PPP2R2D: variants seen among roughly 807,000 people sequenced by gnomAD.
PPP2R2D encodes the protein protein phosphatase 2 regulatory subunit Bdelta, also known as serine/threonine-protein phosphatase 2A 55 kDa regulatory subunit B delta isoform.
In PPP2R2D, 9 loss-of-function variants were observed where a neutral mutation model predicts 31.1. The ratio of observed to expected loss-of-function variants is 0.29; its 90% CI spans 0.17 to 0.51. The LOEUF is 0.51. Ranked by LOEUF, PPP2R2D falls within the 20% of genes least tolerant of loss-of-function variation. The pLI is 0.98. For synonymous variants in PPP2R2D, 179 were observed against 172.6 expected, an observed-to-expected ratio of 1.04 and a Z score of -0.29; for missense variants, 391 against 465.6, an observed-to-expected ratio of 0.84 and a Z score of 1.48.
At chr10:131,964,020 C>T (rs1238141744), downstream of PPP2R2D, among the ~76,000 whole-genome samples, 1 of 152,164 alleles carries the variant, frequency 6.6e-6, no homozygotes, top group East Asian at 1.9e-4. Context: ...CTTTCAGGAC[C>T]CGAGCACTTG....
At position 131,947,276 on chromosome 10, in the gene PPP2R2D, G is replaced by A. The variant is rs2036560220; in HGVS notation, c.821-254G>A. ...AGAGATTCTCATTCAGGGTCCGGGTGAGACTTGGGCGTCTACGCTTCTCAT... is the reference window on the plus strand; with the variant it reads ...AGAGATTCTCATTCAGGGTCCGGGTAAGACTTGGGCGTCTACGCTTCTCAT... On this transcript the variant is annotated intron_variant, in intron 7 of 8. Coordinates refer to ENST00000455566, the MANE Select transcript of PPP2R2D (RefSeq NM_018461.5). This position sits in a 1 kb window ranked among gnomAD's most constrained non-coding sequence, Gnocchi z 4.3. Among the ~76,000 whole-genome samples, 1 of 152,220 alleles carries A rather than the reference G, an allele frequency of 6.6e-6. No homozygotes were observed. Among genetic ancestry groups the A allele is most frequent in the Non-Finnish European group, 1.5e-5 (1 of 68,042 alleles).
At chr10:131,915,714 C>T (rs1288399320) in intron 2 of PPP2R2D, among the ~76,000 whole-genome samples, 1 of 152,232 alleles carries the variant, frequency 6.6e-6, no homozygotes, top group East Asian at 1.9e-4. Context: ...CTCCCTGCAA[C>T]TTTGTCAGAC....
In PPP2R2D at chr10:131,901,289, T is replaced by G. The variant is rs1245082841; in HGVS notation, c.59T>G (p.Phe20Cys). ...PAGGNDFQWC[F>C]SQVKGAIDED... The stretch of plus-strand genomic sequence containing the variant: ...GGCGGCAACGACTTCCAGTGGTGCT[T>G]CTCGCAGGTCAAGGGGGCCATCGAC... The change falls in exon 2 of 9, where the codon TTC becomes TGC. Residue 20 changes from phenylalanine (F) to cysteine (C), a missense_variant. This residue lies in a region of PPP2R2D where 105 missense variants were observed against 98.5 expected (regional missense o/e 1.07). Transcript: ENST00000455566. 2.8e-6 allele frequency: 1 copy of G among 359,088 alleles called. No individual in the cohort carries two copies. The highest frequency in any genetic ancestry group is 4.7e-5 in the Admixed American group (1 of 21,244). 22.2% of individuals were successfully genotyped at this position (359,088 alleles called of 1,614,324 possible).
the PPP2R2D span, chr10:131,967,374 C>T: frequency 6.6e-6 from 1 of 152,232 alleles, no homozygotes; most frequent in Non-Finnish European, 1.5e-5. Flanking sequence ...CCTTGACCAT[C>T]GTGCTTCGAT....
At chr10:131,901,411 C>T (rs1161555465) in intron 2 of PPP2R2D, 81 bp downstream of exon 2, 4 of 339,794 alleles carry the variant, frequency 1.2e-5, no homozygotes, top group African/African-American at 2.2e-5. Context: ...GGGCCCCAAG[C>T]GTCCGTGGAA....
intron 2 of PPP2R2D, among the ~76,000 whole-genome samples, chr10:131,914,347 G>A (rs1554892790): frequency 6.6e-6 from 1 of 152,178 alleles, no homozygotes; most frequent in Non-Finnish European, 1.5e-5. Context: ...GAACAGAGTG[G>A]ACCCTGTCTC....
chr10:131,916,025 C>T (rs782071832), intron 2 of PPP2R2D, among the ~76,000 whole-genome samples: 19 of 152,174 alleles, frequency 1.2e-4, no homozygotes, highest in Non-Finnish European at 2.6e-4. Context: ...CAGCATACGG[C>T]TTTCTGTGTA....
At chr10:131,943,689 G>A (rs1203210972) in intron 5 of PPP2R2D, among the ~76,000 whole-genome samples, 4 of 152,194 alleles carry the variant, frequency 2.6e-5, no homozygotes, top group Admixed American at 6.5e-5. Context: ...CGCAGGCCTC[G>A]GTGCCTGGGC....
At chr10:131,965,973 G>A in the PPP2R2D span, among the ~76,000 whole-genome samples, 1 of 152,212 alleles carries the variant, frequency 6.6e-6, no homozygotes, top group African/African-American at 2.4e-5. Flanking sequence ...CACCTCGGTT[G>A]CTTCATATAT....
At chr10:131,903,878 C>T (rs1383670868) in intron 2 of PPP2R2D, among the ~76,000 whole-genome samples, 6 of 152,164 alleles carry the variant, frequency 3.9e-5, no homozygotes, top group Non-Finnish European at 8.8e-5. Context: ...CATGCCCAAA[C>T]GCAACCTTGA....
Position 131,956,073 on chromosome 10 carries a change from ACTTCC to A in PPP2R2D, c.*115_*119del, listed in dbSNP as rs782274559. 30 of 1,277,938 alleles carry A rather than the reference ACTTCC, an allele frequency of 2.3e-5. No individual in the cohort carries two copies. Among genetic ancestry groups the A allele is most frequent in the Non-Finnish European group, 2.8e-5 (28 of 1,011,990 alleles). 79.2% of individuals were successfully genotyped at this position (1,277,938 alleles called of 1,614,324 possible). A position where few individuals can be genotyped will look rare whatever the true frequency, so the allele number is the denominator to read the frequency against. ...CATTAAGAACAGTGACGCACCTGCTACTTCCCTTCACAGACACAGGAGAAAGCCGC... is the reference window on the plus strand; with the variant it reads ...CATTAAGAACAGTGACGCACCTGCTACTTCACAGACACAGGAGAAAGCCGC... On this transcript the variant is annotated 3_prime_UTR_variant, in exon 9 of 9. Coordinates refer to ENST00000455566, the MANE Select transcript of PPP2R2D (RefSeq NM_018461.5).
chr10:131,956,695 C>G lies in PPP2R2D; in HGVS notation c.*732C>G, dbSNP rs2036806115. On this transcript the variant is annotated 3_prime_UTR_variant, in exon 9 of 9. Transcript: ENST00000455566. ...CAGCATTTCTGTCCCCAAGCTGCTG[C>G]CCGCTGTGTTTCTGTAGAAGTAGCC... The G allele has an allele frequency of 2.2e-6, 1 of 463,544 alleles. No homozygotes were observed. The highest frequency in any genetic ancestry group is 6.4e-5 in the Admixed American group (1 of 15,632). The allele number at this position is 463,544 out of a possible 1,614,324, so 28.7% of individuals were successfully genotyped here. A position where few individuals can be genotyped will look rare whatever the true frequency, so the allele number is the denominator to read the frequency against.
intron 2 of PPP2R2D, among the ~76,000 whole-genome samples, chr10:131,906,264 A>G (rs2035581783): frequency 6.6e-6 from 1 of 152,198 alleles, no homozygotes. Flanking sequence ...ACCTGGTTTT[A>G]TATAGCTTTA....
chr10:131,964,021 C>T (rs1186920987), downstream of PPP2R2D, among the ~76,000 whole-genome samples: 2 of 152,176 alleles, frequency 1.3e-5, no homozygotes, highest in African/African-American at 2.4e-5. Flanking sequence ...TTTCAGGACC[C>T]GAGCACTTGG....
At chr10:131,962,318 A>G (rs1443071939), downstream of PPP2R2D, among the ~76,000 whole-genome samples, 1 of 152,104 alleles carries the variant, frequency 6.6e-6, no homozygotes, top group African/African-American at 2.4e-5. Context: ...CAGTCCTAAG[A>G]AAGCTCTCCA....
the PPP2R2D span, chr10:131,968,917 C>T: frequency 2.5e-5 from 5 of 196,942 alleles, no homozygotes; most frequent in Admixed American, 2.7e-4. Context: ...TCACCACCAG[C>T]CTCACCAAAG....
intron 3 of PPP2R2D, chr10:131,934,818 G>C: frequency 1.9e-6 from 1 of 532,076 alleles, no homozygotes; most frequent in Non-Finnish European, 3.6e-6. Flanking sequence ...GGGTGGTGGT[G>C]AGGTGCATTT....
intron 2 of PPP2R2D, among the ~76,000 whole-genome samples, chr10:131,902,770 A>G (rs1381526230): frequency 6.6e-6 from 1 of 152,094 alleles, no homozygotes; most frequent in African/African-American, 2.4e-5. Context: ...TTTTTTGGAG[A>G]CAGGGTCTCA....
At chr10:131,910,110 C>T (rs2035659546) in intron 2 of PPP2R2D, among the ~76,000 whole-genome samples, 2 of 152,214 alleles carry the variant, frequency 1.3e-5, no homozygotes, top group African/African-American at 4.8e-5. Context: ...CTTAGCGATG[C>T]ACCATAACTC....
Sources: allele counts gnomAD v4.1 joint callset (sites outside exome capture counted in the v4.1 genomes callset), GRCh38; gene constraint gnomAD v4.1.1; regional missense constraint gnomAD v4.1.1; non-coding constraint Gnocchi (gnomAD v3.1); transcripts MANE v1.5; gene names NCBI Gene and HGNC (gene_info 2026-07-23, HGNC 2026-07-21).